NLRC4: variants seen among roughly 807,000 people sequenced by gnomAD.
The protein encoded by NLRC4 is NLR family CARD domain-containing protein 4.
Under a neutral mutation model 79.9 loss-of-function variants are expected in NLRC4, and 63 were observed. That is an observed-to-expected ratio of 0.79 (90% confidence interval 0.64 to 0.97). NLRC4 has a LOEUF of 0.97. Ranked by LOEUF, NLRC4 falls within the 50% of genes least tolerant of loss-of-function variation. The probability of loss-of-function intolerance (pLI) is 0.00; values close to 1 mark genes in which losing one functional copy is unlikely to be tolerated. For synonymous variants in NLRC4, 461 were observed against 456.5 expected (o/e 1.01, Z -0.12); for missense variants, 1,074 against 1,215.2 (o/e 0.88, Z 1.73).
chr2:32,259,744 A>G (rs553051689), intron 1 of NLRC4, among the ~76,000 whole-genome samples: 34 of 152,234 alleles, frequency 2.2e-4, no homozygotes, highest in African/African-American at 7.0e-4. Context: ...CACACCCTCA[A>G]AGAAAATCAC....
chr2:32,238,942 A>G (rs1266481476), intron 5 of NLRC4, among the ~76,000 whole-genome samples: 1 of 152,216 alleles, frequency 6.6e-6, no homozygotes, highest in East Asian at 1.9e-4. Flanking sequence ...TGTCATTAAA[A>G]TACTGTCTTA....
At chr2:32,231,097 T>G (rs959395864) in intron 8 of NLRC4, among the ~76,000 whole-genome samples, 2 of 152,198 alleles carry the variant, frequency 1.3e-5, no homozygotes, top group Non-Finnish European at 2.9e-5. Flanking sequence ...TCTGTTCAGA[T>G]TCTTGCCCAT....
chr2:32,247,855 C>CT (rs35171068), intron 4 of NLRC4, among the ~76,000 whole-genome samples: 4,049 of 152,096 alleles, frequency 0.027, 80 homozygotes, highest in African/African-American at 0.053. Context: ...GAAATCATGT[C>CT]TTTTGCAGCA....
At chr2:32,244,023 G>GA (rs1392044779) in intron 4 of NLRC4, among the ~76,000 whole-genome samples, 2 of 152,140 alleles carry the variant, frequency 1.3e-5, no homozygotes, top group Admixed American at 6.5e-5. Flanking sequence ...GCCCAGGCGG[G>GA]AAAATCTCTT....
At chr2:32,255,556 G>T (rs1195554666) in intron 2 of NLRC4, among the ~76,000 whole-genome samples, 5 of 147,172 alleles carry the variant, frequency 3.4e-5, no homozygotes, top group Admixed American at 1.4e-4. Flanking sequence ...TACAGCCTCA[G>T]AAAGGCTTAG....
chr2:32,235,516 G>A lies in NLRC4; in HGVS notation c.2667C>T (p.Gly889=). 6.2e-7 allele frequency: 1 copy of A among 1,614,150 alleles called. No individual in the cohort carries two copies. The highest frequency in any genetic ancestry group is 1.6e-4 in the Middle Eastern group (1 of 6,062). ...TGCTCAGGCTGCCTTGCACGTCACA[G>A]CCCCAGGGCAGCATCAGTGCGGTGA... ...EQLTALMLPW[G]CDVQGSLSSL... The change falls in exon 8 of 9, where the codon GGC becomes GGT. Residue 889 remains glycine (G), a synonymous_variant. Coordinates refer to ENST00000402280, the MANE Select transcript of NLRC4 (RefSeq NM_001199138.2).
intron 8 of NLRC4, among the ~76,000 whole-genome samples, chr2:32,233,349 A>ATATTTTT (rs1418146489): frequency 7.3e-5 from 3 of 41,098 alleles, no homozygotes; most frequent in African/African-American, 2.9e-4. Flanking sequence ...ATATATATAT[A>ATATTTTT]TTTTTTTTTT....
chr2:32,256,029 T>A (rs74573806), intron 2 of NLRC4, among the ~76,000 whole-genome samples: 7,565 of 151,456 alleles, frequency 0.05, 231 homozygotes, highest in Middle Eastern at 0.12. Flanking sequence ...AAAAAAAAAA[T>A]TTACAAAAAA....
chr2:32,231,338 G>A (rs963871168), intron 8 of NLRC4, among the ~76,000 whole-genome samples: 2 of 151,048 alleles, frequency 1.3e-5, no homozygotes, highest in Non-Finnish European at 3.0e-5. Context: ...TGTATTTTTA[G>A]TAGAGATGGG....
intron 1 of NLRC4, among the ~76,000 whole-genome samples, chr2:32,263,967 G>A (rs1429973003): frequency 6.6e-6 from 1 of 152,066 alleles, no homozygotes; most frequent in African/African-American, 2.4e-5. Context: ...CTGAGATAAT[G>A]TACATAAAGA....
At chr2:32,263,987 G>A (rs1217322520) in intron 1 of NLRC4, among the ~76,000 whole-genome samples, 7 of 152,238 alleles carry the variant, frequency 4.6e-5, no homozygotes, top group East Asian at 1.9e-4. Flanking sequence ...ACCCTATCAC[G>A]AAATAGGTGT....
chr2:32,242,268 A>G (rs1573482358), intron 4 of NLRC4, among the ~76,000 whole-genome samples: 1 of 152,334 alleles, frequency 6.6e-6, no homozygotes, highest in East Asian at 1.9e-4. Context: ...AAAAATTTCT[A>G]CCAAGACTGA....
chr2:32,243,385 T>C (rs1432141015), intron 4 of NLRC4, among the ~76,000 whole-genome samples: 4 of 151,040 alleles, frequency 2.6e-5, no homozygotes, highest in Admixed American at 6.6e-5. Context: ...ACTCCAGCCC[T>C]GGTGACAGAG....
intron 1 of NLRC4, among the ~76,000 whole-genome samples, chr2:32,264,510 A>G (rs982334455): frequency 7.3e-5 from 11 of 151,508 alleles, no homozygotes; most frequent in Non-Finnish European, 1.2e-4. Context: ...TCCATCTCAC[A>G]GTAGTCCAAG....
rs375370365 is a variant in NLRC4 at position 32,251,287 on chromosome 2, C to G, written c.577G>C (p.Ala193Pro). 6 of 1,614,020 alleles carry G rather than the reference C, an allele frequency of 3.7e-6. No individual in the cohort carries two copies. The highest frequency in any genetic ancestry group is 4.2e-6 in the Non-Finnish European group (5 of 1,180,026). The part of the protein sequence containing the change: ...AMLWGSGKCK[A>P]LTKFKFVFFL... ...AAGACGAATTTGAACTTGGTCAGAG[C>G]CTTGCACTTTCCGGAGCCCCAGAGC... Residue 193 changes from alanine (A) to proline (P), a missense_variant, in exon 4 of 9, where the codon GCT becomes CCT. Physicochemically the swap from Ala to Pro is conservative, Grantham distance 27 (BLOSUM62 -1). Transcript: ENST00000402280.
rs532228406 is a variant in NLRC4 at position 32,226,983 on chromosome 2, A to G, written c.2783-2218T>C. 3.0e-3 allele frequency among the ~76,000 whole-genome samples: 458 copies of G among 152,314 alleles called. 2 individuals are homozygous for G. Among genetic ancestry groups the G allele is most frequent in the Non-Finnish European group, 5.1e-3 (344 of 68,030 alleles). ...GTTTTATTTCGGCATATGGCCACTC[A>G]TATCCCAACCTCCCTTGCTATTAGG... On this transcript the variant is annotated intron_variant, in intron 8 of 8. Coordinates refer to ENST00000402280, the MANE Select transcript of NLRC4 (RefSeq NM_001199138.2).
intron 2 of NLRC4, among the ~76,000 whole-genome samples, chr2:32,254,498 G>A (rs1045788561): frequency 2.6e-5 from 4 of 151,714 alleles, no homozygotes; most frequent in Admixed American, 1.3e-4. Context: ...AGACCACACC[G>A]TACCCAGGCA....
intron 8 of NLRC4, among the ~76,000 whole-genome samples, chr2:32,228,025 T>A (rs889489147): frequency 6.6e-6 from 1 of 152,202 alleles, no homozygotes; most frequent in Non-Finnish European, 1.5e-5. Flanking sequence ...GTACCAGAGT[T>A]CTCACTGTTT....
At chr2:32,225,613 CTG>C (rs1399548356) in intron 8 of NLRC4, among the ~76,000 whole-genome samples, 1 of 152,190 alleles carries the variant, frequency 6.6e-6, no homozygotes, top group African/African-American at 2.4e-5. Context: ...AAAACTAGCT[CTG>C]TGTTAATTAC....
Sources: gnomAD v4.1 joint callset for allele counts (sites outside exome capture counted in the v4.1 genomes callset) on GRCh38, gnomAD v4.1.1 for gene constraint, MANE v1.5 for transcripts, NCBI Gene and HGNC (gene_info 2026-07-23, HGNC 2026-07-21) for gene names.